Variants in CANX observed in about 807,000 individuals in gnomAD.
CANX encodes epididymis secretory sperm binding protein.
A neutral mutation model predicts 75.7 loss-of-function variants in CANX; 14 were observed. The observed-to-expected ratio is 0.19, with a 90% CI of 0.12 to 0.29. The LOEUF (loss-of-function observed/expected upper bound fraction) is 0.29. CANX is among the 10% of genes least tolerant of loss of function. The pLI, the probability that CANX is intolerant of heterozygous loss-of-function variation, is 1.00. For missense variants in CANX, 567 were observed against 713.2 expected (o/e 0.79, Z 2.34); for synonymous variants, 227 against 236.9 (o/e 0.96, Z 0.38).
At chr5:179,680,942 T>A in intron 1 of CANX, 7 of 1,534,322 alleles carry the variant, frequency 4.6e-6, no homozygotes, top group Non-Finnish European at 6.1e-6. Context: ...TGAGATTGTA[T>A]CTTCTCGGAG....
In CANX at chr5:179,716,262, C is replaced by G; in HGVS notation, c.879C>G (p.Ile293Met). The G allele has an allele frequency of 1.9e-6, 3 of 1,614,086 alleles. No homozygotes were observed. Among genetic ancestry groups the G allele is most frequent in the Non-Finnish European group, 2.5e-6 (3 of 1,179,968 alleles). The change falls in exon 8 of 15, where the codon ATC becomes ATG. Residue 293 changes from isoleucine (I) to methionine (M), a missense_variant. Ile to Met is a conservative substitution (Grantham distance 10). Transcript: ENST00000247461. ...KPEDWDERPK[I>M]PDPEAVKPDD... ...AGGATTGGGATGAAAGACCAAAAAT[C>G]CCAGATCCAGAAGCTGTCAAGCCAG...
rs879894743 is a variant in CANX, at chr5:179,720,809, A to C, written c.1182+249A>C. Among the ~76,000 whole-genome samples the C allele has an allele frequency of 2.0e-5, 3 of 151,722 alleles. No homozygotes were observed. The East Asian group carries it at 5.8e-4, about 29-fold the overall frequency. On this transcript the variant is annotated intron_variant, in intron 10 of 14. Coordinates refer to ENST00000247461, the MANE Select transcript of CANX (RefSeq NM_001746.4). Reference sequence around the variant, plus strand: ...ATTTATTTATTTATTTTTGAGATGGAGTTTCGCTCTTCTACCCAGGCTGGA... The same window carrying C: ...ATTTATTTATTTATTTTTGAGATGGCGTTTCGCTCTTCTACCCAGGCTGGA...
intron 1 of CANX, among the ~76,000 whole-genome samples, chr5:179,685,184 C>T (rs184855802): frequency 6.6e-6 from 1 of 152,060 alleles, no homozygotes; most frequent in Admixed American, 6.5e-5. Context: ...CTGCAACCTC[C>T]GCCTCCTGGG....
intron 10 of CANX, among the ~76,000 whole-genome samples, chr5:179,721,563 A>G (rs931336682): frequency 1.3e-5 from 2 of 152,216 alleles, no homozygotes; most frequent in African/African-American, 4.8e-5. Context: ...TTGAGTCAGC[A>G]TCTTGACTAC....
chr5:179,715,607 G>A (rs563173909), intron 7 of CANX, among the ~76,000 whole-genome samples: 1 of 152,306 alleles, frequency 6.6e-6, no homozygotes, highest in South Asian at 2.1e-4. Flanking sequence ...CTCCATGGGA[G>A]TTAAAAAGTA....
upstream of CANX, among the ~76,000 whole-genome samples, chr5:179,695,209 C>T (rs1479906020): frequency 6.6e-6 from 1 of 152,008 alleles, no homozygotes. Flanking sequence ...GCCCCACACC[C>T]GGCTAATTTT....
intron 7 of CANX, among the ~76,000 whole-genome samples, chr5:179,715,450 A>T (rs981070958): frequency 6.6e-6 from 1 of 152,192 alleles, no homozygotes; most frequent in Admixed American, 6.5e-5. Flanking sequence ...AGGCAGGAGA[A>T]TCGCTTGAAC....
At chr5:179,682,104 T>G (rs1219020645) in intron 1 of CANX, among the ~76,000 whole-genome samples, 1 of 151,338 alleles carries the variant, frequency 6.6e-6, no homozygotes, top group Non-Finnish European at 1.5e-5. Context: ...TAGAAAAAAT[T>G]AGCCGGGTGT....
At chr5:179,718,567 C>T (rs371426799) in intron 8 of CANX, among the ~76,000 whole-genome samples, 10 of 149,896 alleles carry the variant, frequency 6.7e-5, no homozygotes, top group African/African-American at 2.5e-4. Flanking sequence ...TCGCTCTTGT[C>T]GCCCAGGCTG....
chr5:179,683,024 C>G (rs1433126398), intron 1 of CANX, among the ~76,000 whole-genome samples: 1 of 152,230 alleles, frequency 6.6e-6, no homozygotes, highest in African/African-American at 2.4e-5. Context: ...AGACCCAGAT[C>G]CACAGGAGCT....
chr5:179,702,658 C>G (rs1422361259), intron 1 of CANX, among the ~76,000 whole-genome samples: 1 of 152,054 alleles, frequency 6.6e-6, no homozygotes, highest in Non-Finnish European at 1.5e-5. Flanking sequence ...GAACACGGGT[C>G]TGCAAATATC....
In CANX at chr5:179,728,754, A is replaced by G. The variant is rs769785906; in HGVS notation, c.*110A>G. 3 of 754,588 alleles carry G rather than the reference A, an allele frequency of 4.0e-6. No homozygotes were observed. Among genetic ancestry groups the G allele is most frequent in the Non-Finnish European group, 7.2e-6 (3 of 414,770 alleles). 46.7% of individuals were successfully genotyped at this position (754,588 alleles called of 1,614,324 possible). On this transcript the variant is annotated 3_prime_UTR_variant, in exon 15 of 15. Transcript: ENST00000247461. ...GTTGACATTCAGAAAACTTCAAGAC[A>G]TCACCATCAGCAGGCTCCAGTTGAA...
chr5:179,682,462 G>A (rs547623151), intron 1 of CANX, among the ~76,000 whole-genome samples: 4 of 152,168 alleles, frequency 2.6e-5, no homozygotes, highest in African/African-American at 9.6e-5. Flanking sequence ...TGTAATCCCA[G>A]CACCTTGGGA....
upstream of CANX, among the ~76,000 whole-genome samples, chr5:179,695,511 T>A (rs1293679368): frequency 6.6e-6 from 1 of 151,294 alleles, no homozygotes; most frequent in Non-Finnish European, 1.5e-5. Context: ...GTATTTTTAG[T>A]AGAGACAGGG....
chr5:179,685,432 G>C (rs1235410195), intron 1 of CANX, among the ~76,000 whole-genome samples: 3 of 151,530 alleles, frequency 2.0e-5, no homozygotes, highest in African/African-American at 7.3e-5. Context: ...ATTTTTAGTA[G>C]AGACGGTGTT....
At chr5:179,687,862 T>C (rs112219346) in intron 1 of CANX, among the ~76,000 whole-genome samples, 49,383 of 151,326 alleles carry the variant, frequency 0.33, 8,762 homozygotes, top group South Asian at 0.53. Flanking sequence ...GGTGAAACCC[T>C]GTCTCTACTA....
chr5:179,682,880 A>G (rs1334483133), intron 1 of CANX, among the ~76,000 whole-genome samples: 1 of 152,184 alleles, frequency 6.6e-6, no homozygotes, highest in African/African-American at 2.4e-5. Context: ...AGGAGACCCC[A>G]ATCCCTTGAA....
At chr5:179,680,949 G>A (rs376364930) in intron 1 of CANX, 33 of 1,530,800 alleles carry the variant, frequency 2.2e-5, no homozygotes, top group African/African-American at 6.9e-5. Context: ...GTATCTTCTC[G>A]GAGGATGTTT....
intron 1 of CANX, among the ~76,000 whole-genome samples, chr5:179,702,390 T>C (rs1361545446): frequency 8.6e-5 from 13 of 151,928 alleles, no homozygotes. Flanking sequence ...TTCTCTCCCT[T>C]CTTCCCTCCC....
Sources: allele counts gnomAD v4.1 joint callset (sites outside exome capture counted in the v4.1 genomes callset), GRCh38; gene constraint gnomAD v4.1.1; transcripts MANE v1.5; gene names NCBI Gene and HGNC (gene_info 2026-07-23, HGNC 2026-07-21).